The following FOXP2 variants were observed in gnomAD, a reference collection of about 807,000 sequenced individuals.
FOXP2 encodes the protein forkhead box protein P2.
Under a neutral mutation model 115.8 loss-of-function variants are expected in FOXP2, and 12 were observed. That is an observed-to-expected ratio of 0.10 (90% CI 0.07 to 0.17). The LOEUF (loss-of-function observed/expected upper bound fraction) is 0.17. Among genes scored for constraint, FOXP2 ranks in the 10% least tolerant of loss-of-function variants. The probability of loss-of-function intolerance (pLI) is 1.00; values close to 1 mark genes in which losing one functional copy is unlikely to be tolerated. For synonymous variants in FOXP2, 328 were observed against 297.7 expected (o/e 1.10, Z -1.05); for missense variants, 629 against 843.5 (o/e 0.75, Z 3.15).
At chr7:114,214,951 A>G (rs1353152206) in intron 1 of FOXP2, among the ~76,000 whole-genome samples, 1 of 152,198 alleles carries the variant, frequency 6.6e-6, no homozygotes, top group African/African-American at 2.4e-5. Flanking sequence ...GAATTTGTTT[A>G]AAATTACTGG....
intron 1 of FOXP2, among the ~76,000 whole-genome samples, chr7:114,264,889 G>T (rs1177849392): frequency 6.6e-6 from 1 of 152,026 alleles, no homozygotes; most frequent in Non-Finnish European, 1.5e-5. Flanking sequence ...ACTTTTAAAT[G>T]ACCAGATCTC....
chr7:114,453,621 C>A (rs542984628), intron 2 of FOXP2, among the ~76,000 whole-genome samples: 1 of 152,112 alleles, frequency 6.6e-6, no homozygotes, highest in Non-Finnish European at 1.5e-5. Flanking sequence ...CCAAGAGATA[C>A]ATTGACAACT....
At chr7:114,303,389 T>C (rs1796923678) in intron 2 of FOXP2, among the ~76,000 whole-genome samples, 1 of 152,164 alleles carries the variant, frequency 6.6e-6, no homozygotes, top group African/African-American at 2.4e-5. Context: ...AAAGAACTTA[T>C]GATGTTTTAA....
At chr7:114,190,560 G>A (rs1793730664) in intron 1 of FOXP2, among the ~76,000 whole-genome samples, 2 of 152,136 alleles carry the variant, frequency 1.3e-5, no homozygotes, top group Non-Finnish European at 2.9e-5. Context: ...GGAAAACCAT[G>A]GGACTTCTTA....
rs111525829 is a variant in FOXP2, at chr7:114,619,262, A to C, written c.259-9278A>C. Among the ~76,000 whole-genome samples the C allele has an allele frequency of 6.9e-3, 1,056 of 152,276 alleles. 7 individuals carry two copies. The highest frequency in any genetic ancestry group is 0.011 in the Non-Finnish European group (729 of 67,966). Reference sequence around the variant, plus strand: ...TTTGTGAAAAGAAACTGTAAATACTAGTTATATTATCTTCACTAATCACAA... The same window carrying C: ...TTTGTGAAAAGAAACTGTAAATACTCGTTATATTATCTTCACTAATCACAA... On this transcript the variant is annotated intron_variant, in intron 3 of 16. Transcript: ENST00000350908.
At chr7:114,668,379 T>C (rs563463842) in intron 16 of FOXP2, 1 of 152,214 alleles carries the variant, frequency 6.6e-6, no homozygotes, top group South Asian at 2.1e-4. Context: ...TCCACTCCAG[T>C]TTTCGCTTTA....
rs10244649 is a variant in FOXP2 at position 114,693,748 on chromosome 7, C to A, written c.*3822C>A. 3.2e-6 allele frequency: 1 copy of A among 312,238 alleles called. No homozygotes were observed. Among genetic ancestry groups the A allele is most frequent in the Non-Finnish European group, 6.2e-6 (1 of 160,758 alleles). The allele number at this position is 312,238 out of a possible 1,614,324, so 19.3% of individuals were successfully genotyped here. Reference sequence around the variant, plus strand: ...ATTTCTGAAGTATAAATAAAAAAATCTAATTCTTTTTGACCCATTTATAAC... The same window carrying A: ...ATTTCTGAAGTATAAATAAAAAAATATAATTCTTTTTGACCCATTTATAAC... On this transcript the variant is annotated 3_prime_UTR_variant, in exon 17 of 17. Transcript: ENST00000350908.
intron 2 of FOXP2, among the ~76,000 whole-genome samples, chr7:114,522,397 C>G (rs572986161): frequency 1.3e-5 from 2 of 152,264 alleles, no homozygotes; most frequent in South Asian, 2.1e-4. Flanking sequence ...TTAAGAACTT[C>G]GTTCCCTAGC....
intron 2 of FOXP2, among the ~76,000 whole-genome samples, chr7:114,342,100 A>G (rs368964249): frequency 5.3e-5 from 8 of 151,428 alleles, no homozygotes; most frequent in African/African-American, 1.9e-4. Context: ...ATTGATTCAC[A>G]AAGTTTTTTA....
chr7:114,555,674 G>C (rs961938770), intron 3 of FOXP2, among the ~76,000 whole-genome samples: 1 of 152,128 alleles, frequency 6.6e-6, no homozygotes, highest in Admixed American at 6.5e-5. Flanking sequence ...TTACATGCCT[G>C]TCATCCCAGC....
chr7:114,238,510 C>T (rs537282161), intron 1 of FOXP2, among the ~76,000 whole-genome samples: 3 of 152,322 alleles, frequency 2.0e-5, no homozygotes, highest in East Asian at 1.9e-4. Context: ...AAGTGGCTCA[C>T]GCCTGCAGTC....
At chr7:114,392,960 T>C (rs10282446) in intron 2 of FOXP2, among the ~76,000 whole-genome samples, 146,885 of 152,194 alleles carry the variant, frequency 0.97, 71,084 homozygotes, top group East Asian at 1. Context: ...TTGGGGTGGA[T>C]TCAAGGCCAT....
chr7:114,499,673 T>C (rs974801295), intron 2 of FOXP2: 6 of 152,212 alleles, frequency 3.9e-5, no homozygotes, highest in Non-Finnish European at 7.3e-5. Flanking sequence ...GTGACTGTCC[T>C]GATTCTAAAA....
intron 3 of FOXP2, among the ~76,000 whole-genome samples, chr7:114,554,725 ATTAAG>A (rs1800374630): frequency 1.3e-5 from 2 of 152,172 alleles, no homozygotes; most frequent in Non-Finnish European, 2.9e-5. Flanking sequence ...CTGTCAATAA[ATTAAG>A]TTCTTTCCAG....
At chr7:114,363,841 AC>A (rs1791812362) in intron 2 of FOXP2, among the ~76,000 whole-genome samples, 1 of 152,136 alleles carries the variant, frequency 6.6e-6, no homozygotes, top group Admixed American at 6.6e-5. Context: ...AAAAAAAAGT[AC>A]ATCCATGACA....
chr7:114,451,425 A>T (rs1212429632), intron 2 of FOXP2, among the ~76,000 whole-genome samples: 1 of 152,086 alleles, frequency 6.6e-6, no homozygotes, highest in Non-Finnish European at 1.5e-5. Context: ...AATGAGGATC[A>T]TACTGTCTAC....
At chr7:114,657,273 C>T (rs575677295) in intron 10 of FOXP2, among the ~76,000 whole-genome samples, 2 of 152,206 alleles carry the variant, frequency 1.3e-5, no homozygotes, top group African/African-American at 2.4e-5. Flanking sequence ...CATACATTCT[C>T]ACCTTTTTTC....
intron 2 of FOXP2, among the ~76,000 whole-genome samples, chr7:114,445,168 G>A (rs2129214767): frequency 6.6e-6 from 1 of 151,978 alleles, no homozygotes; most frequent in East Asian, 1.9e-4. Flanking sequence ...TGGCATCTTT[G>A]GGGATCAGAT....
At chr7:114,507,897 T>C (rs1797900185) in intron 2 of FOXP2, among the ~76,000 whole-genome samples, 1 of 151,956 alleles carries the variant, frequency 6.6e-6, no homozygotes, top group Non-Finnish European at 1.5e-5. Context: ...AGGCAGTATA[T>C]ATTGAGTATT....
Sources: gnomAD v4.1 joint callset for allele counts (sites outside exome capture counted in the v4.1 genomes callset) on GRCh38, gnomAD v4.1.1 for gene constraint, MANE v1.5 for transcripts, NCBI Gene and HGNC (gene_info 2026-07-23, HGNC 2026-07-21) for gene names.